OSBPL1A: variants seen among roughly 807,000 people sequenced by gnomAD.
OSBPL1A encodes the protein oxysterol binding protein like 1A, also known as oxysterol-binding protein-related protein 1.
In OSBPL1A, 80 loss-of-function variants were observed where a neutral mutation model predicts 137.1. The observed-to-expected ratio is 0.58, with a 90% confidence interval of 0.49 to 0.70. The LOEUF is 0.70. OSBPL1A is among the 30% of genes least tolerant of loss of function. The pLI is 0.00. For missense variants in OSBPL1A, 970 were observed against 1,129.4 expected (o/e 0.86, Z 2.02); for synonymous variants, 365 against 389.7 (o/e 0.94, Z 0.75).
intron 2 of OSBPL1A, among the ~76,000 whole-genome samples, chr18:24,376,862 C>A (rs567125582): frequency 2.2e-4 from 34 of 152,250 alleles, no homozygotes; most frequent in Admixed American, 1.3e-4. Flanking sequence ...CAGGGCCGGC[C>A]GGCTGCTCCC....
chr18:24,320,983 G>A (rs1343165595), intron 7 of OSBPL1A, among the ~76,000 whole-genome samples: 1 of 147,014 alleles, frequency 6.8e-6, no homozygotes, highest in African/African-American at 2.5e-5. Flanking sequence ...AGCTGAGATC[G>A]CGCCATTGCA....
intron 15 of OSBPL1A, among the ~76,000 whole-genome samples, chr18:24,246,490 T>C (rs540044816): frequency 2.0e-5 from 3 of 151,248 alleles, no homozygotes; most frequent in African/African-American, 4.9e-5. Flanking sequence ...GAGCCAAGAG[T>C]AGAATAAAAG....
At chr18:24,248,072 G>C (rs1320519298) in intron 15 of OSBPL1A, among the ~76,000 whole-genome samples, 1 of 152,210 alleles carries the variant, frequency 6.6e-6, no homozygotes. Flanking sequence ...GCTGGCCTTT[G>C]CTAAAGGCTC....
intron 18 of OSBPL1A, among the ~76,000 whole-genome samples, chr18:24,192,261 C>T (rs1348860641): frequency 6.6e-6 from 1 of 152,082 alleles, no homozygotes; most frequent in Non-Finnish European, 1.5e-5. Flanking sequence ...CTGAGAAAGC[C>T]ACTGGAGCAA....
chr18:24,342,084 C>A (rs1003636513), intron 4 of OSBPL1A, among the ~76,000 whole-genome samples: 2 of 152,064 alleles, frequency 1.3e-5, no homozygotes, highest in Non-Finnish European at 2.9e-5. Flanking sequence ...GATATTTAAA[C>A]AAAATAAAGC....
At chr18:24,197,425 T>C (rs1245580983) in intron 17 of OSBPL1A, among the ~76,000 whole-genome samples, 1 of 152,264 alleles carries the variant, frequency 6.6e-6, no homozygotes, top group Non-Finnish European at 1.5e-5. Flanking sequence ...AAATATTAGA[T>C]ATTTTAAAAA....
chr18:24,372,755 A>C (rs1905760229), intron 2 of OSBPL1A, among the ~76,000 whole-genome samples: 2 of 152,120 alleles, frequency 1.3e-5, no homozygotes, highest in Admixed American at 1.3e-4. Context: ...AGGATTCTGG[A>C]TCAAGAAATC....
At chr18:24,188,163 GA>G (rs1169096635) in intron 18 of OSBPL1A, among the ~76,000 whole-genome samples, 1 of 152,220 alleles carries the variant, frequency 6.6e-6, no homozygotes, top group Non-Finnish European at 1.5e-5. Flanking sequence ...GTATTTATAA[GA>G]CAGGAGTTCT....
chr18:24,299,414 G>A (rs2090355626), intron 14 of OSBPL1A, among the ~76,000 whole-genome samples: 1 of 152,008 alleles, frequency 6.6e-6, no homozygotes, highest in Non-Finnish European at 1.5e-5. Context: ...GGCATTTCTT[G>A]TAGTGCTGGT....
chr18:24,223,498 C>T (rs1332940107), intron 17 of OSBPL1A, among the ~76,000 whole-genome samples: 1 of 152,106 alleles, frequency 6.6e-6, no homozygotes, highest in African/African-American at 2.4e-5. Context: ...TTACACTTTT[C>T]TGGTTAGGTC....
At chr18:24,377,286 G>C (rs571331489) in intron 2 of OSBPL1A, 127 bp downstream of exon 2, 1 of 1,169,560 alleles carries the variant, frequency 8.6e-7, no homozygotes, top group African/African-American at 1.6e-5. Flanking sequence ...CCTCCAATCT[G>C]TGGGGTTCTT....
chr18:24,384,537 C>T (rs970560579), intron 1 of OSBPL1A, among the ~76,000 whole-genome samples: 6 of 150,382 alleles, frequency 4.0e-5, no homozygotes, highest in African/African-American at 1.5e-4. Context: ...CACAGCACTC[C>T]AGCCTGGGTG....
intron 3 of OSBPL1A, 26 bp from the exon 4 acceptor site, chr18:24,366,992 C>G: frequency 6.4e-7 from 1 of 1,570,124 alleles, no homozygotes; most frequent in Non-Finnish European, 8.7e-7. Context: ...ACTTTAAATA[C>G]CAAGAAATAT....
At chr18:24,327,913 A>G (rs1300269409) in intron 7 of OSBPL1A, among the ~76,000 whole-genome samples, 2 of 151,906 alleles carry the variant, frequency 1.3e-5, no homozygotes, top group Non-Finnish European at 2.9e-5. Context: ...ATGGAACTAT[A>G]TTAATTCTTA....
chr18:24,200,073 T>G (rs151016663), intron 17 of OSBPL1A, among the ~76,000 whole-genome samples: 1 of 152,368 alleles, frequency 6.6e-6, no homozygotes, highest in Non-Finnish European at 1.5e-5. Flanking sequence ...ATATTAGCAT[T>G]TCAACATATA....
chr18:24,369,361 T>A (rs1392087053), intron 2 of OSBPL1A, among the ~76,000 whole-genome samples: 3 of 152,184 alleles, frequency 2.0e-5, no homozygotes, highest in African/African-American at 4.8e-5. Context: ...TTCAGAGCAC[T>A]ATTTAGAGCT....
At chr18:24,192,676 G>C (rs2086919283) in intron 18 of OSBPL1A, among the ~76,000 whole-genome samples, 1 of 152,226 alleles carries the variant, frequency 6.6e-6, no homozygotes, top group Admixed American at 6.5e-5. Flanking sequence ...AGTGAGCCCG[G>C]CTGGGGATGG....
At chr18:24,311,145 C>T (rs1384051601) in intron 13 of OSBPL1A, among the ~76,000 whole-genome samples, 1 of 152,014 alleles carries the variant, frequency 6.6e-6, no homozygotes, top group Non-Finnish European at 1.5e-5. Flanking sequence ...GTCAAAATAC[C>T]TTTTATATTT....
intron 15 of OSBPL1A, among the ~76,000 whole-genome samples, chr18:24,265,977 G>C (rs773951508): frequency 3.9e-5 from 6 of 152,192 alleles, no homozygotes; most frequent in Non-Finnish European, 8.8e-5. Context: ...TTCCTTTTAA[G>C]ATATTTTCGT....
Sources: gnomAD v4.1 joint callset for allele counts (sites outside exome capture counted in the v4.1 genomes callset) on GRCh38, gnomAD v4.1.1 for gene constraint, MANE v1.5 for transcripts, NCBI Gene and HGNC (gene_info 2026-07-23, HGNC 2026-07-21) for gene names.